Variants in LZIC observed in about 807,000 individuals in gnomAD.
The protein encoded by LZIC is protein LZIC.
Under a neutral mutation model 25.4 loss-of-function variants are expected in LZIC, and 28 were observed. The observed-to-expected ratio is 1.10, with a 90% confidence interval of 0.82 to 1.51. The LOEUF is 1.51. Among genes scored for constraint, LZIC ranks in the 40% most tolerant of loss-of-function variants. LZIC has a pLI of 0.00. For synonymous variants in LZIC, 65 were observed against 70.7 expected, an observed-to-expected ratio of 0.92 and a Z score of 0.40; for missense variants, 170 against 211.1, an observed-to-expected ratio of 0.81 and a Z score of 1.21.
At chr1:9,932,254 A>C (rs1030222887) in intron 6 of LZIC, 4 of 251,430 alleles carry the variant, frequency 1.6e-5, no homozygotes, top group Non-Finnish European at 2.3e-5. Context: ...ATGAGGCAGT[A>C]GAATTGCTTG....
At chr1:9,941,173 TTTCTTTCG>T (rs1289009902) in intron 2 of LZIC, among the ~76,000 whole-genome samples, 2 of 86,200 alleles carry the variant, frequency 2.3e-5, no homozygotes, top group Non-Finnish European at 7.6e-5. Flanking sequence ...TTACCTTTTC[TTTCTTTCG>T]TTCGTTCGTT....
chr1:9,931,602 C>T (rs966594950), intron 7 of LZIC, among the ~76,000 whole-genome samples: 3 of 152,198 alleles, frequency 2.0e-5, no homozygotes, highest in South Asian at 2.1e-4. Flanking sequence ...AAGGGTCTCA[C>T]CATGTTGCCC....
At chr1:9,930,927 C>T (rs147865399) in intron 7 of LZIC, among the ~76,000 whole-genome samples, 2,436 of 151,992 alleles carry the variant, frequency 0.016, 61 homozygotes, top group African/African-American at 0.054. Flanking sequence ...CCCTGTTGGC[C>T]GGGCTGGTCT....
rs760255793 is a variant in LZIC at position 9,930,385 on chromosome 1, G to A, written c.*14C>T. ...ATTAAGAATGTGATCAATGTTACAA[G>A]CTTCTGCACCATGTCATTTTTTTGT... On this transcript the variant is annotated 3_prime_UTR_variant, in exon 8 of 8. Transcript: ENST00000377223. 1 of 1,610,834 alleles carries A rather than the reference G, an allele frequency of 6.2e-7. No individual in the cohort carries two copies. The highest frequency in any genetic ancestry group is 1.7e-5 in the Admixed American group (1 of 59,806).
chr1:9,930,102 C>T lies in LZIC; in HGVS notation c.*297G>A, dbSNP rs1640145419. On this transcript the variant is annotated 3_prime_UTR_variant, in exon 8 of 8. Coordinates refer to ENST00000377223, the MANE Select transcript of LZIC (RefSeq NM_032368.5). ...CTATCAACACTTAAAAACAAACAGC[C>T]TTAATAAAAATCAAGTCCACTTTGT... The T allele has an allele frequency of 8.8e-7, 1 of 1,131,288 alleles. No individual in the cohort carries two copies. Among genetic ancestry groups the T allele is most frequent in the Admixed American group, 4.3e-5 (1 of 23,236 alleles). 70.1% of individuals were successfully genotyped at this position (1,131,288 alleles called of 1,614,324 possible).
At chr1:9,937,333 C>T (rs1179145495) in intron 2 of LZIC, among the ~76,000 whole-genome samples, 1 of 151,294 alleles carries the variant, frequency 6.6e-6, no homozygotes, top group African/African-American at 2.4e-5. Flanking sequence ...GCAGAGCTTG[C>T]AGTGAGCCGA....
At chr1:9,922,645 G>A (rs892007782), downstream of LZIC, among the ~76,000 whole-genome samples, 3 of 152,202 alleles carry the variant, frequency 2.0e-5, no homozygotes, top group Non-Finnish European at 4.4e-5. Context: ...ACTATAGACA[G>A]AACAGAAAGA....
chr1:9,937,317 C>T lies in LZIC; in HGVS notation c.-8-690G>A, dbSNP rs549882058. Reference sequence around the variant, plus strand: ...CTGAGGCAGGAGAATGGTGTGAACGCGGGAGGCAGAGCTTGCAGTGAGCCG... The same window carrying T: ...CTGAGGCAGGAGAATGGTGTGAACGTGGGAGGCAGAGCTTGCAGTGAGCCG... On this transcript the variant is annotated intron_variant, in intron 2 of 7. Coordinates refer to ENST00000377223, the MANE Select transcript of LZIC (RefSeq NM_032368.5). Among the ~76,000 whole-genome samples the T allele has an allele frequency of 4.0e-5, 6 of 151,236 alleles. No individual in the cohort carries two copies. In the East Asian group the frequency reaches 5.8e-4, roughly 15 times the overall value.
intron 7 of LZIC, among the ~76,000 whole-genome samples, chr1:9,930,959 T>A (rs192943273): frequency 6.6e-6 from 1 of 152,062 alleles, no homozygotes; most frequent in East Asian, 1.9e-4. Flanking sequence ...CCTCAGGTGA[T>A]CCACCCACTT....
intron 2 of LZIC, among the ~76,000 whole-genome samples, chr1:9,939,276 G>A (rs1333354469): frequency 2.6e-5 from 4 of 151,768 alleles, no homozygotes; most frequent in African/African-American, 7.2e-5. Context: ...TGGCCAGGTC[G>A]GTCTTGAACT....
chr1:9,942,317 T>C (rs1018392214), intron 2 of LZIC, among the ~76,000 whole-genome samples: 17 of 152,198 alleles, frequency 1.1e-4, no homozygotes, highest in Non-Finnish European at 1.9e-4. Flanking sequence ...GAACAGAATA[T>C]GAGTCTGATT....
rs17034440 is a variant in LZIC at position 9,927,264 on chromosome 1, A to G, written c.*3135T>C. ...AATATTTCAGATGCTGGACTTATAGAAAGTTTAAGGAAAACCAAGATTAAG... is the reference window on the plus strand; with the variant it reads ...AATATTTCAGATGCTGGACTTATAGGAAGTTTAAGGAAAACCAAGATTAAG... On this transcript the variant is annotated 3_prime_UTR_variant, in exon 8 of 8. Coordinates refer to ENST00000377223, the MANE Select transcript of LZIC (RefSeq NM_032368.5). Among the ~76,000 whole-genome samples the G allele has an allele frequency of 0.095, 14,471 of 152,206 alleles. 908 individuals carry two copies. The highest frequency in any genetic ancestry group is 0.16 in the African/African-American group (6,547 of 41,514).
intron 5 of LZIC, 111 bp from the exon 6 acceptor site, chr1:9,933,009 T>G (rs930891274): frequency 1.5e-6 from 1 of 684,368 alleles, no homozygotes; most frequent in Non-Finnish European, 2.5e-6. Context: ...CTCAACACTT[T>G]GGGCGGATCA....
Position 9,929,241 on chromosome 1 carries a change from G to A in LZIC, c.*1158C>T. The stretch of plus-strand genomic sequence containing the variant: ...CAGTGTAGCGGAGGTCCTCTAATCT[G>A]TCTGGTTGGCAAAGCACCTAGTAGT... On this transcript the variant is annotated 3_prime_UTR_variant, in exon 8 of 8. Coordinates refer to ENST00000377223, the MANE Select transcript of LZIC (RefSeq NM_032368.5). The A allele has an allele frequency of 2.2e-6, 2 of 892,582 alleles. No individual in the cohort carries two copies. The highest frequency in any genetic ancestry group is 2.7e-6 in the Non-Finnish European group (2 of 745,430). The allele number at this position is 892,582 out of a possible 1,614,324, so 55.3% of individuals were successfully genotyped here.
chr1:9,922,840 T>C (rs1057064997), downstream of LZIC, among the ~76,000 whole-genome samples: 2 of 152,190 alleles, frequency 1.3e-5, no homozygotes, highest in Non-Finnish European at 2.9e-5. Flanking sequence ...AGAAGCAGCA[T>C]GCTAAAGGGG....
downstream of LZIC, chr1:9,922,331 A>G (rs1411819283): frequency 5.1e-6 from 5 of 985,216 alleles, no homozygotes; most frequent in African/African-American, 3.5e-5. Flanking sequence ...TGAGTCTAGC[A>G]GGTAGTTCAT....
At chr1:9,941,453 C>A (rs1640727599) in intron 2 of LZIC, among the ~76,000 whole-genome samples, 1 of 151,854 alleles carries the variant, frequency 6.6e-6, no homozygotes, top group Non-Finnish European at 1.5e-5. Flanking sequence ...CCTCAGCCTC[C>A]CAAAATGCTG....
chr1:9,936,653 C>A (rs1470812373), intron 2 of LZIC, 26 bp from the exon 3 acceptor site: 16 of 1,437,820 alleles, frequency 1.1e-5, no homozygotes, highest in Non-Finnish European at 1.5e-5. Context: ...AACCCACATA[C>A]CATATGAAAT....
chr1:9,932,685 GAAAAA>G, intron 6 of LZIC, 113 bp downstream of exon 6: 151 of 280,938 alleles, frequency 5.4e-4, no homozygotes, highest in Middle Eastern at 9.9e-4. Flanking sequence ...CTCCGTCTCA[GAAAAA>G]AAAAAAAAAA....
Sources: gnomAD v4.1 joint callset for allele counts (sites outside exome capture counted in the v4.1 genomes callset) on GRCh38, gnomAD v4.1.1 for gene constraint, MANE v1.5 for transcripts, NCBI Gene and HGNC (gene_info 2026-07-23, HGNC 2026-07-21) for gene names.